CSMD1: variants seen among roughly 807,000 people sequenced by gnomAD.
CSMD1 encodes CUB and Sushi multiple domains 1.
CSMD1 carries 213 observed loss-of-function variants against 417.5 expected under a neutral mutation model. That is an observed-to-expected ratio of 0.51 (90% CI 0.46 to 0.57). The LOEUF (loss-of-function observed/expected upper bound fraction) is 0.57, where lower values mean the gene tolerates loss of function less well. Among genes scored for constraint, CSMD1 ranks in the 20% least tolerant of loss-of-function variants. The pLI is 0.00. For missense variants in CSMD1, 6,923 were observed against 4,529.7 expected, an observed-to-expected ratio of 1.53 and a Z score of -15.17; for synonymous variants, 2,862 against 1,736.8, an observed-to-expected ratio of 1.65 and a Z score of -16.11.
intron 3 of CSMD1, among the ~76,000 whole-genome samples, chr8:4,223,961 C>G (rs1161044113): frequency 1.3e-5 from 2 of 152,140 alleles, no homozygotes; most frequent in East Asian, 1.9e-4. Flanking sequence ...ACATACTAGT[C>G]CAACCACTTT....
At position 3,029,311 on chromosome 8, in the gene CSMD1, T is replaced by C. The variant is rs1272591648; in HGVS notation, c.7855+8A>G. Reference sequence around the variant, plus strand: ...GTGACTTTCAGGGGTGCCTCCCTCATCACTTACCTCGACAGCTTGGCCTCT... The same window carrying C: ...GTGACTTTCAGGGGTGCCTCCCTCACCACTTACCTCGACAGCTTGGCCTCT... On this transcript the variant is annotated splice_region_variant and intron_variant, in intron 51 of 69. Coordinates refer to ENST00000635120, the MANE Select transcript of CSMD1 (RefSeq NM_033225.6). 1 of 1,597,656 alleles carries C rather than the reference T, an allele frequency of 6.3e-7. No homozygotes were observed. Among genetic ancestry groups the C allele is most frequent in the East Asian group, 2.2e-5 (1 of 44,616 alleles).
intron 3 of CSMD1, among the ~76,000 whole-genome samples, chr8:4,163,028 T>C (rs1797259075): frequency 2.6e-5 from 4 of 152,196 alleles, no homozygotes; most frequent in Admixed American, 1.3e-4. Flanking sequence ...CTTAGTAACG[T>C]GCACTTCAGT....
rs1222852307 is a variant in CSMD1 at position 3,998,039 on chromosome 8, A to G, written c.682T>C (p.Tyr228His). ...CAGGTGCAGTCCGCGTTGTTCTCGT[A>G]CTCTGAAGGGAAGTGCGGGCTGGAG... ...SISSPHFPSE[Y>H]ENNADCTWTI... Residue 228 changes from tyrosine (Y) to histidine (H), a missense_variant, in exon 5 of 70, where the codon TAC becomes CAC. Transcript: ENST00000635120. 2.5e-6 allele frequency: 4 copies of G among 1,602,526 alleles called. No individual in the cohort carries two copies. The highest frequency in any genetic ancestry group is 3.4e-6 in the Non-Finnish European group (4 of 1,174,140).
intron 69 of CSMD1, 151 bp downstream of exon 69, chr8:2,942,321 A>C (rs953811917): frequency 2.8e-6 from 2 of 721,222 alleles, no homozygotes; most frequent in African/African-American, 3.6e-5. Context: ...TGTACCCCGG[A>C]ACTCAAAATA....
At chr8:4,039,551 C>G (rs1373588548) in intron 3 of CSMD1, among the ~76,000 whole-genome samples, 2 of 152,140 alleles carry the variant, frequency 1.3e-5, no homozygotes, top group East Asian at 1.9e-4. Context: ...CAATGAGGAC[C>G]TCCCAGGAGG....
At chr8:4,946,053 C>G (rs891724168) in intron 1 of CSMD1, among the ~76,000 whole-genome samples, 1 of 152,142 alleles carries the variant, frequency 6.6e-6, no homozygotes, top group African/African-American at 2.4e-5. Flanking sequence ...TGCTGTGGTC[C>G]TTCAGCATTG....
chr8:3,657,559 G>C (rs1218969752), intron 7 of CSMD1, among the ~76,000 whole-genome samples: 1 of 152,090 alleles, frequency 6.6e-6, no homozygotes, highest in African/African-American at 2.4e-5. Context: ...CATGGATGAT[G>C]CTGGAAACCA....
intron 3 of CSMD1, among the ~76,000 whole-genome samples, chr8:4,221,154 C>T (rs1168785046): frequency 6.6e-6 from 1 of 152,206 alleles, no homozygotes; most frequent in Admixed American, 6.5e-5. Flanking sequence ...AGGAATATCA[C>T]TGAAGCTCCA....
intron 3 of CSMD1, among the ~76,000 whole-genome samples, chr8:4,247,631 T>G (rs760857532): frequency 6.6e-6 from 1 of 152,168 alleles, no homozygotes; most frequent in East Asian, 1.9e-4. Flanking sequence ...CAGAGGTAGA[T>G]TTCAAGTAAG....
chr8:4,006,610 C>T (rs1201730883), intron 4 of CSMD1, among the ~76,000 whole-genome samples: 4 of 152,164 alleles, frequency 2.6e-5, no homozygotes, highest in Non-Finnish European at 4.4e-5. Flanking sequence ...ATTGATCCTT[C>T]CCCTTGTCAA....
At chr8:3,502,283 C>G (rs1461821494) in intron 10 of CSMD1, among the ~76,000 whole-genome samples, 1 of 147,666 alleles carries the variant, frequency 6.8e-6, no homozygotes, top group Non-Finnish European at 1.5e-5. Flanking sequence ...GAGACTGACG[C>G]GAACCCAGGA....
chr8:4,994,253 C>T, intron 1 of CSMD1, 79 bp downstream of exon 1: 1 of 1,373,372 alleles, frequency 7.3e-7, no homozygotes, highest in Non-Finnish European at 1.0e-6. Flanking sequence ...CCTGCGGTCC[C>T]CAAAACGCAC....
chr8:4,456,772 C>T (rs1247998924), intron 2 of CSMD1, among the ~76,000 whole-genome samples: 1 of 152,058 alleles, frequency 6.6e-6, no homozygotes, highest in African/African-American at 2.4e-5. Flanking sequence ...GAAGACCCAT[C>T]TGACAACCTA....
chr8:4,389,958 T>C (rs1217994539), intron 3 of CSMD1, among the ~76,000 whole-genome samples: 1 of 152,226 alleles, frequency 6.6e-6, no homozygotes, highest in Admixed American at 6.5e-5. Flanking sequence ...ATGATATGCA[T>C]GCATGATGTA....
chr8:3,982,685 G>A (rs184200763), intron 5 of CSMD1, among the ~76,000 whole-genome samples: 13 of 152,106 alleles, frequency 8.5e-5, no homozygotes, highest in East Asian at 7.8e-4. Context: ...GTGGCGGACC[G>A]GAAGCCTCAT....
At chr8:4,506,329 C>A (rs1262792111) in intron 2 of CSMD1, among the ~76,000 whole-genome samples, 1 of 152,064 alleles carries the variant, frequency 6.6e-6, no homozygotes, top group Non-Finnish European at 1.5e-5. Flanking sequence ...CCACTGAAAC[C>A]CACGGTGGGT....
intron 2 of CSMD1, among the ~76,000 whole-genome samples, chr8:4,583,882 A>C (rs1410113343): frequency 1.3e-5 from 2 of 151,976 alleles, no homozygotes; most frequent in Non-Finnish European, 1.5e-5. Flanking sequence ...CTTTGCAATA[A>C]ATCTTGCTGC....
intron 20 of CSMD1, among the ~76,000 whole-genome samples, chr8:3,362,613 T>A (rs1050997262): frequency 1.3e-5 from 2 of 152,172 alleles, no homozygotes; most frequent in Non-Finnish European, 2.9e-5. Flanking sequence ...AATATGATCC[T>A]GTTATATGAA....
At chr8:4,226,570 C>G (rs1418454372) in intron 3 of CSMD1, among the ~76,000 whole-genome samples, 1 of 152,108 alleles carries the variant, frequency 6.6e-6, no homozygotes, top group East Asian at 1.9e-4. Flanking sequence ...GTTGAAAAAA[C>G]TAATAACTTA....
Sources: allele counts gnomAD v4.1 joint callset (sites outside exome capture counted in the v4.1 genomes callset), GRCh38; gene constraint gnomAD v4.1.1; transcripts MANE v1.5; gene names NCBI Gene and HGNC (gene_info 2026-07-23, HGNC 2026-07-21).